MOB3B: variants seen among roughly 807,000 people sequenced by gnomAD.
The protein encoded by MOB3B is MOB kinase activator 3B.
MOB3B carries 7 observed loss-of-function variants against 18.7 expected under a neutral mutation model. That is an observed-to-expected ratio of 0.37 (90% CI 0.21 to 0.70). MOB3B has a LOEUF of 0.70. Ranked by LOEUF, MOB3B falls within the 30% of genes least tolerant of loss-of-function variation. The pLI is 0.52. For synonymous variants in MOB3B, 111 were observed against 99.9 expected, an observed-to-expected ratio of 1.11 and a Z score of -0.66; for missense variants, 253 against 281.3, an observed-to-expected ratio of 0.90 and a Z score of 0.72.
At chr9:27,412,465 T>G (rs866888289) in intron 2 of MOB3B, among the ~76,000 whole-genome samples, 5 of 152,346 alleles carry the variant, frequency 3.3e-5, no homozygotes, top group Non-Finnish European at 7.3e-5. Flanking sequence ...TATACTTCAG[T>G]GCTATGAGGA....
At chr9:27,460,966 T>C (rs1315062284) in intron 1 of MOB3B, among the ~76,000 whole-genome samples, 1 of 152,216 alleles carries the variant, frequency 6.6e-6, no homozygotes, top group Non-Finnish European at 1.5e-5. Flanking sequence ...GTAAGCTCAC[T>C]GCCAACTCAC....
At chr9:27,508,208 T>C (rs1820087958) in intron 1 of MOB3B, among the ~76,000 whole-genome samples, 1 of 152,186 alleles carries the variant, frequency 6.6e-6, no homozygotes, top group Admixed American at 6.5e-5. Flanking sequence ...GAATAATGCC[T>C]TTGGGCTAAA....
At chr9:27,406,549 A>C (rs1821981057) in intron 2 of MOB3B, among the ~76,000 whole-genome samples, 1 of 152,230 alleles carries the variant, frequency 6.6e-6, no homozygotes, top group Non-Finnish European at 1.5e-5. Flanking sequence ...CACATAGACC[A>C]ATGCAACAGA....
chr9:27,480,897 A>G (rs1819638933), intron 1 of MOB3B, among the ~76,000 whole-genome samples: 1 of 152,212 alleles, frequency 6.6e-6, no homozygotes, highest in African/African-American at 2.4e-5. Context: ...GTAAATCAAT[A>G]CAAGCACTGA....
rs532560132 is a variant in MOB3B, at chr9:27,339,810, T to G, written c.622-9194A>C. On this transcript the variant is annotated intron_variant, in intron 3 of 3. Transcript: ENST00000262244. ...AGTTGAGTCTCTGAATCAGCGGCTGTACCACACCAGCATGGGCCACGGGAG... is the reference window on the plus strand; with the variant it reads ...AGTTGAGTCTCTGAATCAGCGGCTGGACCACACCAGCATGGGCCACGGGAG... Among the ~76,000 whole-genome samples, 275 of 152,372 alleles carry G rather than the reference T, an allele frequency of 1.8e-3. 3 individuals carry two copies. Among genetic ancestry groups the G allele is most frequent in the African/African-American group, 6.4e-3 (267 of 41,590 alleles).
chr9:27,418,064 C>T (rs1172369648), intron 2 of MOB3B, among the ~76,000 whole-genome samples: 1 of 115,588 alleles, frequency 8.7e-6, no homozygotes, highest in Non-Finnish European at 1.7e-5. Context: ...TGCACTCCAG[C>T]CTGGGAGACA....
chr9:27,481,497 G>GTTT (rs749380961), intron 1 of MOB3B, among the ~76,000 whole-genome samples: 21 of 89,054 alleles, frequency 2.4e-4, no homozygotes, highest in Middle Eastern at 5.9e-3. Flanking sequence ...AAGGAAGGTA[G>GTTT]TTTTTTTTTT....
chr9:27,506,130 G>C lies in MOB3B; in HGVS notation c.-199+23425C>G, dbSNP rs1445051097. On this transcript the variant is annotated intron_variant, in intron 1 of 3. Coordinates refer to ENST00000262244, the MANE Select transcript of MOB3B (RefSeq NM_024761.5). ...CAGCTCTGGATCGCTACTGCAGTGG[G>C]ATGGTTGACTCACAAGTTTTTCTTG... Among the ~76,000 whole-genome samples the C allele has an allele frequency of 2.0e-5, 3 of 152,206 alleles. No homozygotes were observed. In the East Asian group the frequency reaches 5.8e-4, roughly 29 times the overall value.
chr9:27,356,980 C>T (rs1052014625), intron 3 of MOB3B, among the ~76,000 whole-genome samples: 4 of 150,996 alleles, frequency 2.6e-5, no homozygotes, highest in Non-Finnish European at 4.4e-5. Flanking sequence ...AGAGACAACT[C>T]GGTTCCTGCC....
At chr9:27,488,734 G>A (rs1819769016) in intron 1 of MOB3B, among the ~76,000 whole-genome samples, 1 of 152,144 alleles carries the variant, frequency 6.6e-6, no homozygotes, top group Non-Finnish European at 1.5e-5. Context: ...AAGGGGTCAT[G>A]GCATACCCAT....
rs1290858440 is a variant in MOB3B, at chr9:27,444,223, G to C, written c.418+10910C>G. Among the ~76,000 whole-genome samples, 5 of 133,508 alleles carry C rather than the reference G, an allele frequency of 3.7e-5. 1 individual carries two copies. The highest frequency in any genetic ancestry group is 1.4e-4 in the African/African-American group (5 of 35,756). 87.6% of individuals were successfully genotyped at this position (133,508 alleles called of 152,430 possible). On this transcript the variant is annotated intron_variant, in intron 2 of 3. Coordinates refer to ENST00000262244, the MANE Select transcript of MOB3B (RefSeq NM_024761.5). ...AGAAAAAGAAAGAAAGAAAGAAAAA[G>C]AAAGGAGGGAGGGAGGGAAGGAAGG...
chr9:27,382,633 G>C (rs772737909), intron 2 of MOB3B, among the ~76,000 whole-genome samples: 22 of 152,016 alleles, frequency 1.4e-4, no homozygotes, highest in Non-Finnish European at 2.5e-4. Flanking sequence ...AGTGGACCTT[G>C]CCCTCCCAAG....
chr9:27,484,788 A>G (rs1193955609), intron 1 of MOB3B, among the ~76,000 whole-genome samples: 1 of 152,064 alleles, frequency 6.6e-6, no homozygotes. Flanking sequence ...TCAGCGTTCC[A>G]TGCATCCTCA....
chr9:27,482,848 C>T (rs1483356152), intron 1 of MOB3B, among the ~76,000 whole-genome samples: 1 of 152,136 alleles, frequency 6.6e-6, no homozygotes, highest in African/African-American at 2.4e-5. Flanking sequence ...TCAGAAGGCA[C>T]ATGGGGAAAA....
At chr9:27,484,389 G>A (rs1166210487) in intron 1 of MOB3B, among the ~76,000 whole-genome samples, 1 of 152,136 alleles carries the variant, frequency 6.6e-6, no homozygotes, top group South Asian at 2.1e-4. Context: ...ATGGGTCTAT[G>A]CTAAAAACAA....
intron 3 of MOB3B, among the ~76,000 whole-genome samples, chr9:27,342,634 T>C (rs1284332626): frequency 6.6e-6 from 1 of 152,026 alleles, no homozygotes; most frequent in East Asian, 1.9e-4. Flanking sequence ...ACCTGACTGG[T>C]TTTTGCATTT....
intron 1 of MOB3B, among the ~76,000 whole-genome samples, chr9:27,526,894 C>T (rs1238518865): frequency 6.6e-6 from 1 of 151,990 alleles, no homozygotes; most frequent in African/African-American, 2.4e-5. Context: ...GGTATAGGAG[C>T]CTTTGTGCAT....
At chr9:27,396,394 A>G (rs1336891057) in intron 2 of MOB3B, among the ~76,000 whole-genome samples, 1 of 151,890 alleles carries the variant, frequency 6.6e-6, no homozygotes, top group East Asian at 1.9e-4. Flanking sequence ...CCCCAAGCCC[A>G]CTCCTATCCA....
At chr9:27,467,742 G>A (rs1411551288) in intron 1 of MOB3B, among the ~76,000 whole-genome samples, 2 of 152,228 alleles carry the variant, frequency 1.3e-5, no homozygotes, top group African/African-American at 4.8e-5. Flanking sequence ...CTGCTTTCAA[G>A]TGTGCTACCT....
Sources: allele counts gnomAD v4.1 joint callset (sites outside exome capture counted in the v4.1 genomes callset), GRCh38; gene constraint gnomAD v4.1.1; transcripts MANE v1.5; gene names NCBI Gene and HGNC (gene_info 2026-07-23, HGNC 2026-07-21).